MON2: variants seen among roughly 807,000 people sequenced by gnomAD.
MON2 encodes MON2 regulator of endosome-to-Golgi trafficking.
A neutral mutation model predicts 208.6 loss-of-function variants in MON2; 84 were observed. The ratio of observed to expected loss-of-function variants is 0.40; its 90% confidence interval spans 0.34 to 0.48. MON2 has a LOEUF of 0.48. MON2 is among the 20% of genes least tolerant of loss of function. The pLI is 0.59. For synonymous variants in MON2, 660 were observed against 694.0 expected (o/e 0.95, Z 0.77); for missense variants, 1,611 against 2,015.4 (o/e 0.80, Z 3.84).
chr12:62,468,656 C>G (rs904060715), intron 1 of MON2, among the ~76,000 whole-genome samples: 1 of 152,220 alleles, frequency 6.6e-6, no homozygotes, highest in Admixed American at 6.5e-5. Context: ...TGTTTTATTT[C>G]ACATAGTCAA....
In MON2 at chr12:62,566,410, AAGC is replaced by A. The variant is rs1319721696; in HGVS notation, c.4286_4288del (p.Ala1429del). Reference sequence around the variant, plus strand: ...TTATACCAAAAAACAGCGTGTCACAAAGCAGTGGTGAATGAGAAAGTGCTCCAG... The same window carrying A: ...TTATACCAAAAAACAGCGTGTCACAAAGTGGTGAATGAGAAAGTGCTCCAG... On this transcript the variant is annotated inframe_deletion, in exon 29 of 35. Transcript: ENST00000393630. 2 of 1,613,668 alleles carry A rather than the reference AAGC, an allele frequency of 1.2e-6. No individual in the cohort carries two copies. The highest frequency in any genetic ancestry group is 8.5e-7 in the Non-Finnish European group (1 of 1,179,752).
chr12:62,524,323 T>C (rs1357105847), intron 8 of MON2, among the ~76,000 whole-genome samples, 192 bp from the exon 9 acceptor site: 3 of 152,180 alleles, frequency 2.0e-5, no homozygotes, highest in Non-Finnish European at 4.4e-5. Context: ...ACACTGTGAT[T>C]ATTTTTACTG....
intron 12 of MON2, among the ~76,000 whole-genome samples, 183 bp downstream of exon 12, chr12:62,532,853 A>G (rs2072720395): frequency 6.6e-6 from 1 of 152,184 alleles, no homozygotes; most frequent in Non-Finnish European, 1.5e-5. Context: ...ATTTATAGAA[A>G]AAGTTGCAGA....
Position 62,500,800 on chromosome 12 carries a change from G to A in MON2, c.583G>A (p.Val195Ile). 1 of 1,591,736 alleles carries A rather than the reference G, an allele frequency of 6.3e-7. No homozygotes were observed. The highest frequency in any genetic ancestry group is 8.6e-7 in the Non-Finnish European group (1 of 1,167,602). Residue 195 changes from valine (V) to isoleucine (I), a missense_variant, in exon 6 of 35, where the codon GTA (valine) becomes ATA (isoleucine). By Grantham distance (29) the Val-to-Ile change is conservative. Coordinates refer to ENST00000393630, the MANE Select transcript of MON2 (RefSeq NM_015026.3). ...ERHRDIIEQPVLVQGNSNRRS... is the reference protein window; with the variant it reads ...ERHRDIIEQPILVQGNSNRRS... ...GATTGCAGATATTATAGAACAACCA[G>A]TACTGGTACAAGGAAATAGTAACAG...
Position 62,560,795 on chromosome 12 carries a change from T to G in MON2, c.3714T>G (p.Asn1238Lys). 1 of 1,614,088 alleles carries G rather than the reference T, an allele frequency of 6.2e-7. No individual in the cohort carries two copies. Among genetic ancestry groups the G allele is most frequent in the Non-Finnish European group, 8.5e-7 (1 of 1,179,958 alleles). ...TTACTGATGAGCTTGAAGATTTGAA[T>G]CTATGGTGGGCTGCGTGGAATACCT... ...PIVTDELEDL[N>K]LWWAAWNTWY... The change falls in exon 26 of 35, where the codon AAT (asparagine) becomes AAG (lysine). Residue 1238 changes from asparagine to lysine, a missense_variant. Coordinates refer to ENST00000393630, the MANE Select transcript of MON2 (RefSeq NM_015026.3).
chr12:62,477,197 ACAAAAC>A (rs1372700582), intron 1 of MON2, among the ~76,000 whole-genome samples: 1 of 152,124 alleles, frequency 6.6e-6, no homozygotes, highest in Non-Finnish European at 1.5e-5. Flanking sequence ...TATCTCAAAA[ACAAAAC>A]CAAGCAGAAC....
At chr12:62,516,570 G>A (rs1456575010) in intron 8 of MON2, among the ~76,000 whole-genome samples, 1 of 152,158 alleles carries the variant, frequency 6.6e-6, no homozygotes, top group African/African-American at 2.4e-5. Flanking sequence ...CTGGCATAGT[G>A]GTGTATGCCT....
At chr12:62,567,229 C>T (rs998425418) in intron 29 of MON2, among the ~76,000 whole-genome samples, 1 of 152,182 alleles carries the variant, frequency 6.6e-6, no homozygotes, top group Non-Finnish European at 1.5e-5. Context: ...GAGCTGTCTT[C>T]TCTAAAGACT....
chr12:62,552,588 T>G (rs1213383709), intron 23 of MON2, among the ~76,000 whole-genome samples: 1 of 152,048 alleles, frequency 6.6e-6, no homozygotes, highest in Non-Finnish European at 1.5e-5. Flanking sequence ...CATCAATATG[T>G]TCAAGTTCCT....
chr12:62,578,514 G>A lies in MON2; in HGVS notation c.4575+9G>A, dbSNP rs2074876898. 1 of 1,485,554 alleles carries A rather than the reference G, an allele frequency of 6.7e-7. No individual in the cohort carries two copies. Among genetic ancestry groups the A allele is most frequent in the African/African-American group, 1.4e-5 (1 of 70,250 alleles). 92.0% of individuals were successfully genotyped at this position (1,485,554 alleles called of 1,614,324 possible). A position where few individuals can be genotyped will look rare whatever the true frequency, so the allele number is the denominator to read the frequency against. ...AAAATATTGATGTCGAGGTAAGGAG[G>A]CTATTTAAAATGTTTTCCTGTGACC... On this transcript the variant is annotated intron_variant, in intron 31 of 34. Transcript: ENST00000393630.
At chr12:62,541,888 A>G (rs1266301388) in intron 19 of MON2, among the ~76,000 whole-genome samples, 1 of 152,240 alleles carries the variant, frequency 6.6e-6, no homozygotes, top group East Asian at 1.9e-4. Flanking sequence ...AAGAAGTAAT[A>G]TTAGGCAACA....
At chr12:62,514,719 A>G (rs1215782683) in intron 8 of MON2, among the ~76,000 whole-genome samples, 1 of 152,216 alleles carries the variant, frequency 6.6e-6, no homozygotes, top group African/African-American at 2.4e-5. Flanking sequence ...TTGGGAGAAA[A>G]GATTCACAAA....
At chr12:62,573,018 T>C (rs2074652932) in intron 30 of MON2, among the ~76,000 whole-genome samples, 1 of 152,204 alleles carries the variant, frequency 6.6e-6, no homozygotes, top group South Asian at 2.1e-4. Flanking sequence ...ACTTGCATTT[T>C]CCCAGTAAAA....
Position 62,467,229 on chromosome 12 carries a change from G to A in MON2, c.22G>A (p.Glu8Lys). 2 of 1,613,454 alleles carry A rather than the reference G, an allele frequency of 1.2e-6. No homozygotes were observed. Among genetic ancestry groups the A allele is most frequent in the Non-Finnish European group, 1.7e-6 (2 of 1,179,998 alleles). ...GATCATGTCCGGCACCAGCAGCCCC[G>A]AGGCGGTGAAGAAGCTGCTGGAGAA... MSGTSSP[E>K]AVKKLLENMQ... Residue 8 changes from glutamate (E) to lysine (K), a missense_variant, in exon 1 of 35, where the codon GAG becomes AAG. Coordinates refer to ENST00000393630, the MANE Select transcript of MON2 (RefSeq NM_015026.3).
rs148676289 is a variant in MON2, at chr12:62,476,218, A to C, written c.112-7952A>C. Among the ~76,000 whole-genome samples the C allele has an allele frequency of 1.8e-3, 271 of 152,280 alleles. 1 individual carries two copies. Among genetic ancestry groups the C allele is most frequent in the African/African-American group, 6.4e-3 (265 of 41,538 alleles). ...GGGTTGTAGAATAATTGAATGTTAC[A>C]GAAGAAAATCTTATTGATTTCAATG... On this transcript the variant is annotated intron_variant, in intron 1 of 34. Transcript: ENST00000393630.
chr12:62,527,498 C>T (rs2072393558), intron 11 of MON2, among the ~76,000 whole-genome samples: 2 of 152,068 alleles, frequency 1.3e-5, no homozygotes, highest in Non-Finnish European at 2.9e-5. Context: ...GGTAATGACT[C>T]AAGTATACTA....
At chr12:62,590,574 A>C (rs1469400170) in intron 34 of MON2, among the ~76,000 whole-genome samples, 3 of 152,170 alleles carry the variant, frequency 2.0e-5, no homozygotes, top group Non-Finnish European at 4.4e-5. Flanking sequence ...CATTTTTATT[A>C]GTTTGTGGAT....
At chr12:62,580,037 CT>C (rs1217549837) in intron 31 of MON2, among the ~76,000 whole-genome samples, 1 of 152,120 alleles carries the variant, frequency 6.6e-6, no homozygotes, top group Non-Finnish European at 1.5e-5. Context: ...AGTTATCATG[CT>C]GAAGATCAAC....
chr12:62,534,542 A>AATATATATATAT (rs71882879), intron 12 of MON2, among the ~76,000 whole-genome samples: 124 of 22,770 alleles, frequency 5.4e-3, no homozygotes, highest in Non-Finnish European at 7.9e-3. Flanking sequence ...AAAAAAAAAA[A>AATATATATATAT]ATATATATAT....
Sources: gnomAD v4.1 joint callset for allele counts (sites outside exome capture counted in the v4.1 genomes callset) on GRCh38, gnomAD v4.1.1 for gene constraint, MANE v1.5 for transcripts, NCBI Gene and HGNC (gene_info 2026-07-23, HGNC 2026-07-21) for gene names.